The following KIF13A variants were observed in gnomAD, a reference collection of about 807,000 sequenced individuals.
KIF13A encodes the protein kinesin-like protein KIF13A.
In KIF13A, 79 loss-of-function variants were observed where a neutral mutation model predicts 212.2. The ratio of observed to expected loss-of-function variants is 0.37; its 90% confidence interval spans 0.31 to 0.45. KIF13A has a LOEUF of 0.45. Among genes scored for constraint, KIF13A ranks in the 20% least tolerant of loss-of-function variants. The pLI is 1.00. For synonymous variants in KIF13A, 789 were observed against 808.6 expected (o/e 0.98, Z 0.41); for missense variants, 1,901 against 2,209.0 (o/e 0.86, Z 2.79).
rs935535274 is a variant in KIF13A, at chr6:17,838,792, G to C, written c.831-1209C>G. ...CTTGGAAGGGTGAGGGAGTGGAAGG[G>C]GAGAGGATGACGAGCTTATTTTTTT... On this transcript the variant is annotated intron_variant, in intron 9 of 38. Transcript: ENST00000259711. This position sits in a 1 kb window ranked among gnomAD's most constrained non-coding sequence, Gnocchi z 4.2. Among the ~76,000 whole-genome samples, 1 of 152,030 alleles carries C rather than the reference G, an allele frequency of 6.6e-6. No individual in the cohort carries two copies. The highest frequency in any genetic ancestry group is 1.5e-5 in the Non-Finnish European group (1 of 67,990).
chr6:17,817,081 C>T lies in KIF13A; in HGVS notation c.1939G>A (p.Asp647Asn). 1 of 1,613,760 alleles carries T rather than the reference C, an allele frequency of 6.2e-7. No homozygotes were observed. Among genetic ancestry groups the T allele is most frequent in the Non-Finnish European group, 8.5e-7 (1 of 1,179,876 alleles). ...GTCTGGCTGCTGTAGGCCAGGCGGT[C>T]AGGGCCGCTACTCTGTGGCTGCCTG... ...PDRQPQSSGPDRLAYSSQTAQ... is the reference protein window; with the variant it reads ...PDRQPQSSGPNRLAYSSQTAQ... Residue 647 changes from aspartate to asparagine, a missense_variant, in exon 17 of 39, where the codon GAC becomes AAC. Asp to Asn is a conservative substitution (Grantham distance 23). This residue lies in a region of KIF13A where 534 missense variants were observed against 536.9 expected (regional missense o/e 0.99). Transcript: ENST00000259711.
chr6:17,777,623 A>G lies in KIF13A; in HGVS notation c.4093-269T>C, dbSNP rs758045246. The stretch of plus-strand genomic sequence containing the variant: ...GGTCTTGAACTCCTGAGCTCAGGCA[A>G]TCTGCCCACGTCGGCCTCCCAAAGT... On this transcript the variant is annotated intron_variant, in intron 33 of 38. Transcript: ENST00000259711. This position sits in a 1 kb window ranked among gnomAD's most constrained non-coding sequence, Gnocchi z 4.4. 8.5e-5 allele frequency among the ~76,000 whole-genome samples: 13 copies of G among 152,106 alleles called. No individual in the cohort carries two copies. The highest frequency in any genetic ancestry group is 1.8e-4 in the Non-Finnish European group (12 of 68,022).
At chr6:17,911,830 T>A (rs576722950) in intron 2 of KIF13A, among the ~76,000 whole-genome samples, 5 of 151,402 alleles carry the variant, frequency 3.3e-5, no homozygotes, top group Non-Finnish European at 1.5e-5. Flanking sequence ...AGTAATGCGA[T>A]CTTGACTCAC....
chr6:17,759,308 G>A (rs776544318), downstream of KIF13A: 6 of 151,922 alleles, frequency 3.9e-5, no homozygotes, highest in Admixed American at 6.6e-5. Flanking sequence ...ACACAGAAAT[G>A]TGTACCAATT....
intron 2 of KIF13A, among the ~76,000 whole-genome samples, chr6:17,904,097 T>C (rs562602889): frequency 6.6e-6 from 1 of 151,256 alleles, no homozygotes; most frequent in South Asian, 2.1e-4. Flanking sequence ...GTGGAGGTTA[T>C]AGTGAGCCAT....
At chr6:17,869,019 A>AAC (rs1554187444) in intron 4 of KIF13A, among the ~76,000 whole-genome samples, 5,493 of 123,364 alleles carry the variant, frequency 0.045, 97 homozygotes, top group South Asian at 0.088. Context: ...AAAAAAAAAA[A>AAC]ACACAAATAA....
At chr6:17,978,828 G>C (rs1172364533) in intron 2 of KIF13A, among the ~76,000 whole-genome samples, 1 of 152,100 alleles carries the variant, frequency 6.6e-6, no homozygotes, top group Admixed American at 6.5e-5. Flanking sequence ...ACTATTTCTA[G>C]CTGGATTTCA....
Position 17,799,805 on chromosome 6 carries a change from G to A in KIF13A, c.2616+147C>T. ...TCATAAGAAAGTGTGCTATATTTCTGAAAACAAAGTACTGTCCACCACTGT... is the reference window on the plus strand; with the variant it reads ...TCATAAGAAAGTGTGCTATATTTCTAAAAACAAAGTACTGTCCACCACTGT... On this transcript the variant is annotated intron_variant, in intron 21 of 38. Transcript: ENST00000259711. This position sits in a 1 kb window ranked among gnomAD's most constrained non-coding sequence, Gnocchi z 4.4. 1 of 818,204 alleles carries A rather than the reference G, an allele frequency of 1.2e-6. No individual in the cohort carries two copies. The highest frequency in any genetic ancestry group is 2.0e-6 in the Non-Finnish European group (1 of 511,974). The allele number at this position is 818,204 out of a possible 1,614,324, so 50.7% of individuals were successfully genotyped here.
intron 17 of KIF13A, among the ~76,000 whole-genome samples, chr6:17,813,252 G>A (rs1581387886): frequency 6.6e-6 from 1 of 152,164 alleles, no homozygotes; most frequent in Non-Finnish European, 1.5e-5. Flanking sequence ...GGCTGAGGCG[G>A]GCGGATCACC....
At position 17,915,824 on chromosome 6, in the gene KIF13A, T is replaced by C. The variant is rs1030033358; in HGVS notation, c.147-17644A>G. Among the ~76,000 whole-genome samples the C allele has an allele frequency of 3.0e-4, 45 of 151,588 alleles. No individual in the cohort carries two copies. The highest frequency in any genetic ancestry group is 1.1e-3 in the African/African-American group (44 of 41,248). On this transcript the variant is annotated intron_variant, in intron 2 of 38. Transcript: ENST00000259711. The surrounding 1 kb of genome is among the most constrained non-coding windows in gnomAD (Gnocchi z 4.4). Reference sequence around the variant, plus strand: ...TAAAAAGACAAAAATTAGCTGGGTGTGGTAGCAAGAGCCTATAGTCCCAGC... The same window carrying C: ...TAAAAAGACAAAAATTAGCTGGGTGCGGTAGCAAGAGCCTATAGTCCCAGC...
At chr6:17,851,557 C>T (rs1238113760) in intron 7 of KIF13A, among the ~76,000 whole-genome samples, 1 of 152,138 alleles carries the variant, frequency 6.6e-6, no homozygotes, top group East Asian at 1.9e-4. Flanking sequence ...TTCAGAAAAA[C>T]AGGAGAGCCA....
chr6:17,787,788 T>C lies in KIF13A; in HGVS notation c.3349A>G (p.Ser1117Gly), dbSNP rs1455836418. 1.2e-6 allele frequency: 2 copies of C among 1,606,992 alleles called. No individual in the cohort carries two copies. The highest frequency in any genetic ancestry group is 1.7e-6 in the Non-Finnish European group (2 of 1,173,478). ...EYLDEQIKKV[S>G]NKTEKTEDDV... ...TGATCTCACATACCTGTTTTATTGCTGACTTTTTTTATCTGTTCATCCAGG... is the reference window on the plus strand; with the variant it reads ...TGATCTCACATACCTGTTTTATTGCCGACTTTTTTTATCTGTTCATCCAGG... The change falls in exon 27 of 39, where the codon AGC becomes GGC. Residue 1117 changes from serine to glycine, a missense_variant. This residue lies in a region of KIF13A where 168 missense variants were observed against 250.9 expected (regional missense o/e 0.67). Transcript: ENST00000259711. The surrounding 1 kb of genome is among the most constrained non-coding windows in gnomAD (Gnocchi z 4.6).
chr6:17,790,060 A>C (rs910783170), intron 25 of KIF13A, 150 bp from the exon 26 acceptor site: 10 of 621,506 alleles, frequency 1.6e-5, no homozygotes, highest in Non-Finnish European at 2.8e-5. Context: ...CAAAAAAGGT[A>C]AAATGGATTT....
intron 9 of KIF13A, among the ~76,000 whole-genome samples, chr6:17,847,706 C>T (rs1356461658): frequency 1.3e-5 from 2 of 152,158 alleles, no homozygotes; most frequent in Non-Finnish European, 2.9e-5. Context: ...TAAAAAACAA[C>T]AGCTATAACA....
In KIF13A at chr6:17,764,674, G is replaced by A; in HGVS notation, c.4854C>T (p.Asp1618=). Residue 1618 remains aspartate, a synonymous_variant, in exon 39 of 39, where the codon GAC becomes GAT. Transcript: ENST00000259711. This position sits in a 1 kb window ranked among gnomAD's most constrained non-coding sequence, Gnocchi z 5.1. The stretch of plus-strand genomic sequence containing the variant: ...TCTGAATGGCCAGCTGGTCTGAGCT[G>A]TCACTAGAAGGGACCACCATGTCAG... ...TLSDMVVPSS[D]SSDQLAIQTK... 1.2e-6 allele frequency: 2 copies of A among 1,613,824 alleles called. No homozygotes were observed. The highest frequency in any genetic ancestry group is 1.7e-6 in the Non-Finnish European group (2 of 1,179,816).
At chr6:17,761,202 A>G (rs141316781), downstream of KIF13A, among the ~76,000 whole-genome samples, 1 of 152,136 alleles carries the variant, frequency 6.6e-6, no homozygotes, top group Non-Finnish European at 1.5e-5. Flanking sequence ...TAAACTGTCA[A>G]AACAACTTAT....
Position 17,967,746 on chromosome 6 carries a change from G to T in KIF13A, c.146+19308C>A, listed in dbSNP as rs571468513. ...CAGCCACTGAGCCATCTGCCTTCCT[G>T]CTCTGATTTCTGAACCAAGAAGGCT... On this transcript the variant is annotated intron_variant, in intron 2 of 38. Coordinates refer to ENST00000259711, the MANE Select transcript of KIF13A (RefSeq NM_022113.6). The surrounding 1 kb of genome is among the most constrained non-coding windows in gnomAD (Gnocchi z 4.1). Among the ~76,000 whole-genome samples the T allele has an allele frequency of 1.3e-5, 2 of 152,120 alleles. No individual in the cohort carries two copies. The highest frequency in any genetic ancestry group is 4.8e-5 in the African/African-American group (2 of 41,426).
chr6:17,865,746 T>C (rs1009180769), intron 4 of KIF13A, among the ~76,000 whole-genome samples: 1 of 152,174 alleles, frequency 6.6e-6, no homozygotes. Flanking sequence ...TACAGAAAAG[T>C]CTACCATTGA....
intron 9 of KIF13A, among the ~76,000 whole-genome samples, chr6:17,840,020 G>A (rs1351964995): frequency 6.6e-6 from 1 of 152,162 alleles, no homozygotes; most frequent in Non-Finnish European, 1.5e-5. Flanking sequence ...CCATTTATAT[G>A]AAATATCTAG....
Sources: gnomAD v4.1 joint callset for allele counts (sites outside exome capture counted in the v4.1 genomes callset) on GRCh38, gnomAD v4.1.1 for gene constraint, gnomAD v4.1.1 regional missense constraint, Gnocchi (gnomAD v3.1) non-coding constraint, MANE v1.5 for transcripts, NCBI Gene and HGNC (gene_info 2026-07-23, HGNC 2026-07-21) for gene names.